The following UBE2E2 variants were observed in gnomAD, a reference collection of about 807,000 sequenced individuals.
UBE2E2 encodes the protein ubiquitin-conjugating enzyme E2 E2.
In UBE2E2, 6 loss-of-function variants were observed where a neutral mutation model predicts 24.7. The ratio of observed to expected loss-of-function variants is 0.24; its 90% CI spans 0.13 to 0.48. The LOEUF (loss-of-function observed/expected upper bound fraction) is 0.48, where lower values mean the gene tolerates loss of function less well. UBE2E2 is among the 20% of genes least tolerant of loss of function. UBE2E2 has a pLI of 0.99. For synonymous variants in UBE2E2, 104 were observed against 83.6 expected, an observed-to-expected ratio of 1.24 and a Z score of -1.33; for missense variants, 169 against 245.0, an observed-to-expected ratio of 0.69 and a Z score of 2.07.
intron 3 of UBE2E2, among the ~76,000 whole-genome samples, chr3:23,400,944 TCAAA>T (rs1697207878): frequency 6.6e-6 from 1 of 152,158 alleles, no homozygotes; most frequent in South Asian, 2.1e-4. Flanking sequence ...CAGGCTGTAA[TCAAA>T]CAAATAAATA....
In UBE2E2 at chr3:23,589,068, G is replaced by A. The variant is rs1446683878; in HGVS notation, c.509-666G>A. Among the ~76,000 whole-genome samples the A allele has an allele frequency of 1.3e-5, 2 of 151,938 alleles. No homozygotes were observed. Among genetic ancestry groups the A allele is most frequent in the Non-Finnish European group, 2.9e-5 (2 of 68,000 alleles). On this transcript the variant is annotated intron_variant, in intron 5 of 5. Coordinates refer to ENST00000396703, the MANE Select transcript of UBE2E2 (RefSeq NM_152653.4). The surrounding 1 kb of genome is among the most constrained non-coding windows in gnomAD (Gnocchi z 4.1). ...CAGACCGCCAAACGTCTTCCCAGGA[G>A]AGCTCATCAAGAGCCCATGAGTCCC...
In UBE2E2 at chr3:23,264,014, G is replaced by A. The variant is rs576541869; in HGVS notation, c.227+46702G>A. ...AATAATAATAACAGTTAACATTACT[G>A]AGTGCTTACTATGAGTCGGGTACAT... On this transcript the variant is annotated intron_variant, in intron 3 of 5. Transcript: ENST00000396703. Among the ~76,000 whole-genome samples, 15 of 152,228 alleles carry A rather than the reference G, an allele frequency of 9.9e-5. No homozygotes were observed. In the South Asian group the frequency reaches 3.1e-3, roughly 32 times the overall value.
intron 3 of UBE2E2, among the ~76,000 whole-genome samples, chr3:23,350,519 A>G (rs1199492537): frequency 1.3e-5 from 2 of 152,192 alleles, no homozygotes; most frequent in African/African-American, 4.8e-5. Flanking sequence ...AACTAGAATA[A>G]CCAATACAGA....
chr3:23,468,096 A>G (rs910618548), intron 3 of UBE2E2, among the ~76,000 whole-genome samples: 1 of 152,144 alleles, frequency 6.6e-6, no homozygotes, highest in Admixed American at 6.5e-5. Flanking sequence ...TCTTTCCTTG[A>G]ACTTGCCCTA....
At chr3:23,208,157 C>T (rs753596806) in intron 1 of UBE2E2, among the ~76,000 whole-genome samples, 39 of 152,042 alleles carry the variant, frequency 2.6e-4, no homozygotes, top group Admixed American at 1.3e-3. Flanking sequence ...GCTGGTGCTC[C>T]CTGAGCTTCC....
chr3:23,436,042 A>G (rs1322386993), intron 3 of UBE2E2, among the ~76,000 whole-genome samples: 10 of 152,088 alleles, frequency 6.6e-5, no homozygotes, highest in African/African-American at 2.4e-4. Flanking sequence ...TGAGGATCTA[A>G]TGCCACTGCT....
At chr3:23,289,333 TCTTTTATA>T (rs1559334560) in intron 3 of UBE2E2, among the ~76,000 whole-genome samples, 1 of 152,236 alleles carries the variant, frequency 6.6e-6, no homozygotes, top group Non-Finnish European at 1.5e-5. Context: ...TTGCTTGAAA[TCTTTTATA>T]CTTTAAAGTT....
At chr3:23,299,941 G>A (rs924826536) in intron 3 of UBE2E2, among the ~76,000 whole-genome samples, 1 of 152,030 alleles carries the variant, frequency 6.6e-6, no homozygotes, top group Non-Finnish European at 1.5e-5. Flanking sequence ...AGGTCACTCA[G>A]GACTTGCTTT....
intron 3 of UBE2E2, among the ~76,000 whole-genome samples, chr3:23,384,645 C>T (rs1331859761): frequency 6.6e-6 from 1 of 152,134 alleles, no homozygotes; most frequent in South Asian, 2.1e-4. Context: ...GGGGTTCAAG[C>T]AATTCTCTTG....
intron 3 of UBE2E2, among the ~76,000 whole-genome samples, chr3:23,371,199 T>C (rs1176137307): frequency 6.6e-6 from 1 of 151,982 alleles, no homozygotes; most frequent in Non-Finnish European, 1.5e-5. Context: ...CTGGCTAATT[T>C]TTAAATTTTT....
At chr3:23,313,761 A>G (rs568209094) in intron 3 of UBE2E2, among the ~76,000 whole-genome samples, 1 of 151,960 alleles carries the variant, frequency 6.6e-6, no homozygotes, top group East Asian at 1.9e-4. Context: ...CAGTGTTGTT[A>G]CTGATAAGTA....
chr3:23,340,809 C>T (rs966748351), intron 3 of UBE2E2, among the ~76,000 whole-genome samples: 1 of 152,074 alleles, frequency 6.6e-6, no homozygotes, highest in Non-Finnish European at 1.5e-5. Flanking sequence ...AAAGGATGGT[C>T]ATGTTAAGTA....
At chr3:23,314,665 T>C (rs1222772308) in intron 3 of UBE2E2, among the ~76,000 whole-genome samples, 2 of 152,194 alleles carry the variant, frequency 1.3e-5, no homozygotes, top group South Asian at 2.1e-4. Context: ...CCTCAGCTTT[T>C]GTTTGGGAGA....
chr3:23,293,753 T>A (rs1394035161), intron 3 of UBE2E2, among the ~76,000 whole-genome samples: 1 of 152,262 alleles, frequency 6.6e-6, no homozygotes, highest in Non-Finnish European at 1.5e-5. Flanking sequence ...TCTTTTTTAA[T>A]TTTATTTAAA....
chr3:23,482,757 G>A (rs1699284781), intron 3 of UBE2E2, among the ~76,000 whole-genome samples: 1 of 152,060 alleles, frequency 6.6e-6, no homozygotes, highest in South Asian at 2.1e-4. Context: ...GGGATTTAAG[G>A]AGGAAAAAAG....
intron 5 of UBE2E2, chr3:23,534,257 T>G: frequency 1.0e-6 from 1 of 983,698 alleles, no homozygotes; most frequent in Non-Finnish European, 1.2e-6. Flanking sequence ...CAGATATTCC[T>G]GCTTAAAGGA....
At chr3:23,229,955 A>C (rs1246064834) in intron 3 of UBE2E2, among the ~76,000 whole-genome samples, 1 of 152,206 alleles carries the variant, frequency 6.6e-6, no homozygotes, top group Admixed American at 6.5e-5. Flanking sequence ...ACTTATGTTT[A>C]TATTGGGTAA....
At chr3:23,392,078 T>G (rs1186292613) in intron 3 of UBE2E2, among the ~76,000 whole-genome samples, 3 of 152,164 alleles carry the variant, frequency 2.0e-5, no homozygotes, top group Non-Finnish European at 1.5e-5. Flanking sequence ...ACCCAAGTAT[T>G]GGGTATTAGA....
At chr3:23,368,154 A>T (rs573177325) in intron 3 of UBE2E2, among the ~76,000 whole-genome samples, 1 of 152,044 alleles carries the variant, frequency 6.6e-6, no homozygotes, top group Non-Finnish European at 1.5e-5. Flanking sequence ...ACAACATTTC[A>T]TTTACTCTTA....
Sources: gnomAD v4.1 joint callset for allele counts (sites outside exome capture counted in the v4.1 genomes callset) on GRCh38, gnomAD v4.1.1 for gene constraint, Gnocchi (gnomAD v3.1) non-coding constraint, MANE v1.5 for transcripts, NCBI Gene and HGNC (gene_info 2026-07-23, HGNC 2026-07-21) for gene names.